The following SHQ1 variants were observed in gnomAD, a reference collection of about 807,000 sequenced individuals.
SHQ1 encodes protein SHQ1 homolog.
Under a neutral mutation model 53.8 loss-of-function variants are expected in SHQ1, and 49 were observed. The ratio of observed to expected loss-of-function variants is 0.91; its 90% CI spans 0.72 to 1.16. SHQ1 has a LOEUF of 1.16. SHQ1 is among the 50% of genes most tolerant of loss of function. The pLI is 0.00. For synonymous variants in SHQ1, 243 were observed against 251.0 expected (o/e 0.97, Z 0.30); for missense variants, 738 against 683.1 (o/e 1.08, Z -0.90).
At chr3:72,808,197 A>C (rs1214518343) in intron 9 of SHQ1, among the ~76,000 whole-genome samples, 2 of 152,176 alleles carry the variant, frequency 1.3e-5, no homozygotes, top group Non-Finnish European at 2.9e-5. Context: ...TAAGGAAAAA[A>C]AAAGACTTTG....
In SHQ1 at chr3:72,750,332, G is replaced by A. The variant is rs749130974; in HGVS notation, c.1686C>T (p.Asn562=). 5 of 1,614,068 alleles carry A rather than the reference G, an allele frequency of 3.1e-6. No homozygotes were observed. The highest frequency in any genetic ancestry group is 4.5e-5 in the East Asian group (2 of 44,874). ...CGTCTCTCTCCTGAATATTGCTGCG[G>A]TTTACAGCAGTGGTGCCCTTGGGTT... ...VSEPKGTTAV[N]RSNIQERDGC... The change falls in exon 11 of 11, where the codon AAC becomes AAT. Residue 562 remains asparagine (N), a synonymous_variant. Coordinates refer to ENST00000325599, the MANE Select transcript of SHQ1 (RefSeq NM_018130.3).
At chr3:72,804,107 A>G (rs1281548284) in intron 9 of SHQ1, among the ~76,000 whole-genome samples, 2 of 151,706 alleles carry the variant, frequency 1.3e-5, no homozygotes, top group African/African-American at 4.8e-5. Flanking sequence ...TTTTTTTTCT[A>G]GAAACAAGGT....
At chr3:72,751,474 A>ATGTG (rs1491475817) in intron 10 of SHQ1, among the ~76,000 whole-genome samples, 11 of 106,118 alleles carry the variant, frequency 1.0e-4, no homozygotes, top group African/African-American at 1.3e-4. Flanking sequence ...TAATAAGCAC[A>ATGTG]TATGTGTGTG....
chr3:72,844,967 C>T (rs1393046042), intron 1 of SHQ1, among the ~76,000 whole-genome samples: 2 of 152,130 alleles, frequency 1.3e-5, no homozygotes, highest in African/African-American at 4.8e-5. Flanking sequence ...CAAGATATCT[C>T]ATTATGTATG....
In SHQ1 at chr3:72,848,124, C is replaced by G. The variant is rs1198386167; in HGVS notation, c.143+74G>C. ...TTCGCGCAATCGAGCACTGCTCTCTCGACCTTGCATTCTCCCTCTAAAGCA... is the reference window on the plus strand; with the variant it reads ...TTCGCGCAATCGAGCACTGCTCTCTGGACCTTGCATTCTCCCTCTAAAGCA... On this transcript the variant is annotated intron_variant, in intron 1 of 10. Coordinates refer to ENST00000325599, the MANE Select transcript of SHQ1 (RefSeq NM_018130.3). The G allele has an allele frequency of 3.8e-6, 6 of 1,578,076 alleles. No homozygotes were observed. The African/African-American group carries it at 6.7e-5, about 18-fold the overall frequency.
the SHQ1 span, among the ~76,000 whole-genome samples, chr3:72,741,103 A>G: frequency 1.3e-5 from 2 of 152,130 alleles, no homozygotes; most frequent in African/African-American, 4.8e-5. Context: ...ACTTTTGAAA[A>G]GTTTCTTGGA....
chr3:72,804,377 T>G (rs962739876), intron 9 of SHQ1, among the ~76,000 whole-genome samples: 1 of 152,162 alleles, frequency 6.6e-6, no homozygotes, highest in Admixed American at 6.5e-5. Flanking sequence ...AAGCCCAGTA[T>G]CCACTAGCTG....
chr3:72,807,022 G>T (rs980240448), intron 9 of SHQ1, among the ~76,000 whole-genome samples: 3 of 152,176 alleles, frequency 2.0e-5, no homozygotes, highest in Non-Finnish European at 4.4e-5. Context: ...AGGGTGCTTT[G>T]TATGGACTGG....
intron 10 of SHQ1, chr3:72,753,522 A>C: frequency 1.0e-6 from 1 of 985,398 alleles, no homozygotes; most frequent in Non-Finnish European, 1.2e-6. Flanking sequence ...CAGGCCACAG[A>C]AGCACCACTG....
the SHQ1 span, among the ~76,000 whole-genome samples, chr3:72,734,192 C>A: frequency 1.3e-5 from 2 of 151,410 alleles, no homozygotes; most frequent in Non-Finnish European, 2.9e-5. Context: ...GCCTGTAAAG[C>A]CCCTTGTCCA....
At chr3:72,805,678 A>G (rs565760893) in intron 9 of SHQ1, among the ~76,000 whole-genome samples, 1 of 151,818 alleles carries the variant, frequency 6.6e-6, no homozygotes, top group African/African-American at 2.4e-5. Flanking sequence ...TGTATGTAAT[A>G]TTTAAGAGGT....
chr3:72,753,144 C>A (rs1705424928), intron 10 of SHQ1: 7 of 985,240 alleles, frequency 7.1e-6, no homozygotes, highest in Non-Finnish European at 8.4e-6. Flanking sequence ...TCTGATGTGA[C>A]AACTGAAGAA....
At position 72,812,736 on chromosome 3, in the gene SHQ1, G is replaced by A. The variant is rs1707165107; in HGVS notation, c.995C>T (p.Pro332Leu). 6.2e-7 allele frequency: 1 copy of A among 1,614,030 alleles called. No homozygotes were observed. The highest frequency in any genetic ancestry group is 8.5e-7 in the Non-Finnish European group (1 of 1,179,974). Residue 332 changes from proline to leucine, a missense_variant, in exon 9 of 11, where the codon CCA becomes CTA. By Grantham distance (98) the Pro-to-Leu change is moderately conservative. Transcript: ENST00000325599. ...CACCAGCTTGAAATGGCGATAGAGT[G>A]GGTAACACAACACCCTTCTTCCAAA... The part of the protein sequence containing the change: ...VSFGRRVLCY[P>L]LYRHFKLVMK...
chr3:72,760,329 T>C (rs1253516554), intron 10 of SHQ1, among the ~76,000 whole-genome samples: 1 of 152,218 alleles, frequency 6.6e-6, no homozygotes, highest in Non-Finnish European at 1.5e-5. Flanking sequence ...GCTTGCTCAT[T>C]AGTGAATTTT....
In SHQ1 at chr3:72,750,719, T is replaced by G. The variant is rs139808175; in HGVS notation, c.1299A>C (p.Glu433Asp). ...EAAALLVQEEETALKAAHSVS... is the reference protein window; with the variant it reads ...EAAALLVQEEDTALKAAHSVS... ...CTGAATGGGCTGCTTTTAATGCAGTTTCTTCCTCCTGGACAAGCAGTGCTG... is the reference window on the plus strand; with the variant it reads ...CTGAATGGGCTGCTTTTAATGCAGTGTCTTCCTCCTGGACAAGCAGTGCTG... The change falls in exon 11 of 11, where the codon GAA (glutamate) becomes GAC (aspartate). Residue 433 changes from glutamate to aspartate, a missense_variant. By Grantham distance (45) the Glu-to-Asp change is conservative. Transcript: ENST00000325599. 188 of 1,566,108 alleles carry G rather than the reference T, an allele frequency of 1.2e-4. 3 individuals are homozygous for G. The African/African-American group carries it at 2.2e-3, about 19-fold the overall frequency.
chr3:72,792,874 G>A, intron 10 of SHQ1, 42 bp downstream of exon 10: 1 of 1,437,732 alleles, frequency 7.0e-7, no homozygotes, highest in Non-Finnish European at 9.4e-7. Context: ...TTTCAGCAAT[G>A]TGAACATCTA....
At chr3:72,745,983 C>T (rs1362839137), downstream of SHQ1, among the ~76,000 whole-genome samples, 1 of 151,864 alleles carries the variant, frequency 6.6e-6, no homozygotes, top group South Asian at 2.1e-4. Context: ...TGGGATTACA[C>T]GGGCCCGCCA....
intron 10 of SHQ1, among the ~76,000 whole-genome samples, chr3:72,753,934 G>C (rs1241053233): frequency 1.3e-5 from 2 of 152,162 alleles, no homozygotes; most frequent in African/African-American, 4.8e-5. Context: ...ACACCACTCT[G>C]TTTCTCCATG....
intron 9 of SHQ1, among the ~76,000 whole-genome samples, chr3:72,808,009 G>C (rs1160548860): frequency 1.3e-5 from 2 of 152,164 alleles, no homozygotes; most frequent in Non-Finnish European, 2.9e-5. Flanking sequence ...TTATTAGAAA[G>C]TAGGTTTCTA....
Sources: allele counts gnomAD v4.1 joint callset (sites outside exome capture counted in the v4.1 genomes callset), GRCh38; gene constraint gnomAD v4.1.1; transcripts MANE v1.5; gene names NCBI Gene and HGNC (gene_info 2026-07-23, HGNC 2026-07-21).